Variants in WWOX observed in about 807,000 individuals in gnomAD.
WWOX encodes the protein WW domain-containing oxidoreductase.
A neutral mutation model predicts 46.2 loss-of-function variants in WWOX; 69 were observed. The observed-to-expected ratio is 1.49, with a 90% CI of 1.23 to 1.82. The LOEUF is 1.82. Among genes scored for constraint, WWOX ranks in the 40% most tolerant of loss-of-function variants. The pLI, the probability that WWOX is intolerant of heterozygous loss-of-function variation, is 0.00. For missense variants in WWOX, 919 were observed against 542.6 expected (o/e 1.69, Z -6.89); for synonymous variants, 359 against 202.6 (o/e 1.77, Z -6.56).
chr16:78,101,468 T>A (rs1243201872), intron 1 of WWOX, among the ~76,000 whole-genome samples: 1 of 150,616 alleles, frequency 6.6e-6, no homozygotes, highest in Non-Finnish European at 1.5e-5. Flanking sequence ...TGTCTCAGCC[T>A]CCCGAATAGC....
At chr16:78,130,866 G>T (rs1002971895) in intron 4 of WWOX, among the ~76,000 whole-genome samples, 1 of 152,224 alleles carries the variant, frequency 6.6e-6, no homozygotes, top group Non-Finnish European at 1.5e-5. Flanking sequence ...GAATGACAGA[G>T]ATATGATCTG....
chr16:78,616,251 G>A (rs2046022103), intron 8 of WWOX, among the ~76,000 whole-genome samples: 4 of 151,856 alleles, frequency 2.6e-5, no homozygotes, highest in Admixed American at 2.6e-4. Context: ...CAAGTAGGAT[G>A]TTTGTCTTAG....
chr16:78,484,464 T>C (rs2084579970), intron 8 of WWOX, among the ~76,000 whole-genome samples: 1 of 152,210 alleles, frequency 6.6e-6, no homozygotes, highest in Admixed American at 6.5e-5. Context: ...TTAGTTTAAA[T>C]AATGTATTCA....
chr16:78,805,710 T>C (rs1185768559), intron 8 of WWOX, among the ~76,000 whole-genome samples: 1 of 152,204 alleles, frequency 6.6e-6, no homozygotes, highest in Non-Finnish European at 1.5e-5. Flanking sequence ...GTGTCAAAAA[T>C]AAGTCACTGT....
At chr16:79,085,733 A>G (rs150040535) in intron 8 of WWOX, among the ~76,000 whole-genome samples, 96 of 152,306 alleles carry the variant, frequency 6.3e-4, no homozygotes, top group African/African-American at 2.3e-3. Flanking sequence ...GTCAAAAGGC[A>G]TTCAGAAGTA....
intron 8 of WWOX, among the ~76,000 whole-genome samples, chr16:78,786,423 A>T (rs980466848): frequency 1.3e-5 from 2 of 152,224 alleles, no homozygotes; most frequent in Non-Finnish European, 1.5e-5. Flanking sequence ...CAATGACTTC[A>T]AGAGCATAGG....
intron 4 of WWOX, among the ~76,000 whole-genome samples, chr16:78,121,887 C>T (rs2033112217): frequency 6.6e-6 from 1 of 152,092 alleles, no homozygotes; most frequent in Non-Finnish European, 1.5e-5. Context: ...TCTTGAACTC[C>T]TGACATTAGG....
chr16:78,703,041 C>T (rs1039132013), intron 8 of WWOX, among the ~76,000 whole-genome samples: 1 of 152,082 alleles, frequency 6.6e-6, no homozygotes, highest in African/African-American at 2.4e-5. Flanking sequence ...TGGAATCTTG[C>T]AGTGCTTGTT....
chr16:78,526,902 C>T (rs12444523), intron 8 of WWOX, among the ~76,000 whole-genome samples: 7,243 of 152,228 alleles, frequency 0.048, 316 homozygotes, highest in African/African-American at 0.12. Flanking sequence ...CAATGGCTCA[C>T]GCCTATAATC....
chr16:78,370,293 T>G (rs1027411977), intron 5 of WWOX, among the ~76,000 whole-genome samples: 2 of 152,130 alleles, frequency 1.3e-5, no homozygotes, highest in Non-Finnish European at 2.9e-5. Context: ...ATATTACCAC[T>G]TACCTCAGAG....
In WWOX at chr16:78,536,478, C is replaced by G. The variant is rs150153920; in HGVS notation, c.1056+103726C>G. ...TGCCCACTGAGCTGGGTTCTCTCTG[C>G]TTTAGGTCCTCTCTGGAGGTGAAGA... is the stretch of plus-strand genomic sequence containing the variant. On this transcript the variant is annotated intron_variant, in intron 8 of 8. Coordinates refer to ENST00000566780, the MANE Select transcript of WWOX (RefSeq NM_016373.4). 7.2e-4 allele frequency among the ~76,000 whole-genome samples: 110 copies of G among 152,130 alleles called. 1 individual carries two copies. Among genetic ancestry groups the G allele is most frequent in the African/African-American group, 2.5e-3 (103 of 41,472 alleles).
intron 8 of WWOX, among the ~76,000 whole-genome samples, chr16:78,922,887 A>C (rs140437450): frequency 2.0e-5 from 3 of 152,346 alleles, no homozygotes; most frequent in African/African-American, 7.2e-5. Flanking sequence ...AATCATACTA[A>C]AAATAAGAAC....
intron 8 of WWOX, among the ~76,000 whole-genome samples, chr16:79,079,349 A>ACC (rs2048718318): frequency 1.3e-5 from 2 of 152,036 alleles, no homozygotes; most frequent in African/African-American, 4.8e-5. Context: ...GTTCCCCCCG[A>ACC]CAAAAAAAAA....
In WWOX at chr16:78,783,326, A is replaced by C. The variant is rs143615215; in HGVS notation, c.1056+350574A>C. Among the ~76,000 whole-genome samples the C allele has an allele frequency of 1.9e-3, 285 of 152,330 alleles. 1 individual carries two copies. Among genetic ancestry groups the C allele is most frequent in the African/African-American group, 6.4e-3 (268 of 41,572 alleles). ...CAGTTGAATGAAACATGCCATGGCC[A>C]GTGGAGACAGGCTTGGGCTGATGGA... On this transcript the variant is annotated intron_variant, in intron 8 of 8. Transcript: ENST00000566780.
At chr16:78,808,866 C>A (rs1037941166) in intron 8 of WWOX, among the ~76,000 whole-genome samples, 2 of 152,148 alleles carry the variant, frequency 1.3e-5, no homozygotes, top group Non-Finnish European at 2.9e-5. Flanking sequence ...TTTGAACACA[C>A]AAAATATAGT....
At chr16:79,201,806 C>CT (rs200162382) in intron 8 of WWOX, among the ~76,000 whole-genome samples, 1 of 89,968 alleles carries the variant, frequency 1.1e-5, no homozygotes, top group Non-Finnish European at 2.9e-5. Flanking sequence ...TAAATTGAAA[C>CT]CTGACAATGT....
intron 4 of WWOX, among the ~76,000 whole-genome samples, chr16:78,144,523 A>ATATATATTT (rs1198739687): frequency 5.4e-5 from 1 of 18,632 alleles, no homozygotes; most frequent in African/African-American, 2.7e-4. Context: ...ATATATATAT[A>ATATATATTT]TTTTTTTTTT....
At chr16:79,052,498 C>A (rs1238556917) in intron 8 of WWOX, among the ~76,000 whole-genome samples, 1 of 152,178 alleles carries the variant, frequency 6.6e-6, no homozygotes, top group African/African-American at 2.4e-5. Context: ...TTTATTGCGG[C>A]ATTATTCACA....
chr16:79,137,698 C>T (rs75600218), intron 8 of WWOX, among the ~76,000 whole-genome samples: 3,603 of 152,120 alleles, frequency 0.024, 145 homozygotes, highest in African/African-American at 0.082. Flanking sequence ...CGTCTCCTTC[C>T]CCCGACCCTC....
Sources: allele counts gnomAD v4.1 joint callset (sites outside exome capture counted in the v4.1 genomes callset), GRCh38; gene constraint gnomAD v4.1.1; transcripts MANE v1.5; gene names NCBI Gene and HGNC (gene_info 2026-07-23, HGNC 2026-07-21).